FBXW8: variants seen among roughly 807,000 people sequenced by gnomAD.
The protein encoded by FBXW8 is F-box and WD repeat domain containing 8.
FBXW8 carries 57 observed loss-of-function variants against 65.3 expected under a neutral mutation model. That is an observed-to-expected ratio of 0.87 (90% confidence interval 0.71 to 1.09). FBXW8 has a LOEUF of 1.09. Among genes scored for constraint, FBXW8 ranks in the 50% least tolerant of loss-of-function variants. FBXW8 has a pLI of 0.00. For synonymous variants in FBXW8, 308 were observed against 330.2 expected (o/e 0.93, Z 0.73); for missense variants, 777 against 814.8 (o/e 0.95, Z 0.57).
In FBXW8 at chr12:117,028,035, G is replaced by A. The variant is rs1313634482; in HGVS notation, c.1660G>A (p.Gly554Arg). Residue 554 changes from glycine to arginine, a missense_variant, in exon 11 of 11, where the codon GGG becomes AGG. Transcript: ENST00000652555. The surrounding 1 kb of genome is among the most constrained non-coding windows in gnomAD (Gnocchi z 4.1). ...TCTTTGTGCTCTTTCTAGACACCGG[G>A]GGCTGATCCGCGCCTATGAGTTTGC... ...DSFTTHRRHR[G>R]LIRAYEFAVD... 5 of 1,614,022 alleles carry A rather than the reference G, an allele frequency of 3.1e-6. No homozygotes were observed. In the South Asian group the frequency reaches 4.4e-5, roughly 14 times the overall value.
intron 5 of FBXW8, 44 bp downstream of exon 5, chr12:116,964,898 C>G (rs1410276190): frequency 5.2e-6 from 8 of 1,528,960 alleles, no homozygotes; most frequent in Non-Finnish European, 7.0e-6. Flanking sequence ...AAAAAAAAAG[C>G]TTTACAAAAA....
chr12:116,932,831 C>A (rs746143873), intron 2 of FBXW8, among the ~76,000 whole-genome samples: 5 of 152,168 alleles, frequency 3.3e-5, no homozygotes, highest in African/African-American at 1.2e-4. Context: ...TGTGCCCAGC[C>A]GTTCTAATCT....
At chr12:117,026,413 C>T (rs898417386) in intron 9 of FBXW8, among the ~76,000 whole-genome samples, 4 of 151,796 alleles carry the variant, frequency 2.6e-5, no homozygotes, top group Admixed American at 6.6e-5. Flanking sequence ...CAAGCCTGCC[C>T]TCCCTTCCCG....
At chr12:116,964,887 A>G (rs1352343759) in intron 5 of FBXW8, 33 bp downstream of exon 5, 3 of 1,346,584 alleles carry the variant, frequency 2.2e-6, no homozygotes, top group Middle Eastern at 2.7e-4. Context: ...CCTATTAAGG[A>G]AAAAAAAAAG....
chr12:116,929,710 AATCT>A (rs2137312472), intron 2 of FBXW8, among the ~76,000 whole-genome samples: 1 of 152,294 alleles, frequency 6.6e-6, no homozygotes, highest in Non-Finnish European at 1.5e-5. Flanking sequence ...GAACACTTAA[AATCT>A]ATCTCTTAGT....
chr12:116,913,171 A>G lies in FBXW8; in HGVS notation c.318+1816A>G, dbSNP rs574906229. On this transcript the variant is annotated intron_variant, in intron 1 of 10. Transcript: ENST00000652555. ...GGGGCCCTGAAATCTGATGACTGGT[A>G]TGATCAGGCAAGTTTAAGACATTAT... 8.0e-5 allele frequency among the ~76,000 whole-genome samples: 12 copies of G among 150,230 alleles called. No individual in the cohort carries two copies. In the East Asian group the frequency reaches 1.9e-3, roughly 24 times the overall value.
At chr12:116,915,841 T>A (rs1290609356) in intron 1 of FBXW8, among the ~76,000 whole-genome samples, 1 of 151,848 alleles carries the variant, frequency 6.6e-6, no homozygotes, top group Non-Finnish European at 1.5e-5. Flanking sequence ...TTGGTAGAGA[T>A]GGGGTTTCAC....
At chr12:116,934,726 A>G (rs775852250) in intron 2 of FBXW8, among the ~76,000 whole-genome samples, 6 of 152,238 alleles carry the variant, frequency 3.9e-5, no homozygotes, top group Admixed American at 6.5e-5. Flanking sequence ...AATATCCCGC[A>G]TAACTACAGA....
intron 2 of FBXW8, 119 bp from the exon 3 acceptor site, chr12:116,945,245 T>C: frequency 1.1e-6 from 1 of 910,318 alleles, no homozygotes; most frequent in Non-Finnish European, 1.6e-6. Flanking sequence ...GTTTTGTTAA[T>C]GAGACATTTT....
At chr12:117,021,157 T>G (rs1318696427) in intron 8 of FBXW8, among the ~76,000 whole-genome samples, 1 of 152,238 alleles carries the variant, frequency 6.6e-6, no homozygotes, top group Non-Finnish European at 1.5e-5. Flanking sequence ...TTACCTTTGC[T>G]GGGTAGATTG....
At chr12:117,004,812 C>G (rs544841221) in intron 7 of FBXW8, among the ~76,000 whole-genome samples, 1 of 151,616 alleles carries the variant, frequency 6.6e-6, no homozygotes, top group Non-Finnish European at 1.5e-5. Context: ...TCTCCAGGCT[C>G]CTGACACTGG....
intron 7 of FBXW8, among the ~76,000 whole-genome samples, chr12:116,996,598 GA>G (rs1243467609): frequency 6.6e-6 from 1 of 151,676 alleles, no homozygotes; most frequent in African/African-American, 2.4e-5. Context: ...AATTTTAAAT[GA>G]AAAAAATTGA....
chr12:117,023,387 G>A (rs1363660805), intron 8 of FBXW8, among the ~76,000 whole-genome samples: 1 of 152,138 alleles, frequency 6.6e-6, no homozygotes, highest in African/African-American at 2.4e-5. Context: ...TTTATTAAAT[G>A]TAATGAATTT....
In FBXW8 at chr12:116,911,236, C is replaced by T; in HGVS notation, c.199C>T (p.Pro67Ser). 1 of 1,240,328 alleles carries T rather than the reference C, an allele frequency of 8.1e-7. No homozygotes were observed. Among genetic ancestry groups the T allele is most frequent in the African/African-American group, 1.6e-5 (1 of 64,052 alleles). The allele number at this position is 1,240,328 out of a possible 1,614,324, so 76.8% of individuals were successfully genotyped here. The change falls in exon 1 of 11, where the codon CCG becomes TCG. Residue 67 changes from proline (P) to serine (S), a missense_variant. Physicochemically the swap from Pro to Ser is moderately conservative, Grantham distance 74. Coordinates refer to ENST00000652555, the MANE Select transcript of FBXW8 (RefSeq NM_153348.3). ...QRLLEGAGRP[P>S]AARATRAEGQ... ...TCTCCTGGAGGGCGCGGGGAGGCCC[C>T]CGGCGGCGCGGGCGACTCGGGCCGA...
intron 7 of FBXW8, among the ~76,000 whole-genome samples, chr12:117,000,696 G>C (rs1482458876): frequency 6.6e-6 from 1 of 152,194 alleles, no homozygotes; most frequent in East Asian, 1.9e-4. Flanking sequence ...TCCTAACTGG[G>C]CAAGAGGTTT....
chr12:116,982,638 T>C (rs1885391245), intron 5 of FBXW8, among the ~76,000 whole-genome samples: 1 of 151,802 alleles, frequency 6.6e-6, no homozygotes, highest in Admixed American at 6.6e-5. Flanking sequence ...TTTTTTTTTT[T>C]TTCCCAAAAA....
intron 1 of FBXW8, among the ~76,000 whole-genome samples, chr12:116,923,849 T>A (rs2137300821): frequency 6.6e-6 from 1 of 152,216 alleles, no homozygotes; most frequent in South Asian, 2.1e-4. Context: ...GCCTCCTGAG[T>A]AACTGGGACT....
At chr12:116,913,720 A>G (rs1214685442) in intron 1 of FBXW8, among the ~76,000 whole-genome samples, 1 of 152,022 alleles carries the variant, frequency 6.6e-6, no homozygotes, top group Non-Finnish European at 1.5e-5. Flanking sequence ...TATGGAAAAA[A>G]CCTGCATACA....
At chr12:116,922,999 G>A (rs1881022892) in intron 1 of FBXW8, among the ~76,000 whole-genome samples, 1 of 152,138 alleles carries the variant, frequency 6.6e-6, no homozygotes, top group Admixed American at 6.6e-5. Context: ...GAGGCCGAGA[G>A]TTCGAGACTA....
Sources: allele counts gnomAD v4.1 joint callset (sites outside exome capture counted in the v4.1 genomes callset), GRCh38; gene constraint gnomAD v4.1.1; non-coding constraint Gnocchi (gnomAD v3.1); transcripts MANE v1.5; gene names NCBI Gene and HGNC (gene_info 2026-07-23, HGNC 2026-07-21).